The following ZNF536 variants were observed in gnomAD, a reference collection of about 807,000 sequenced individuals.
ZNF536 encodes the protein zinc finger protein 536.
A neutral mutation model predicts 84.5 loss-of-function variants in ZNF536; 13 were observed. The ratio of observed to expected loss-of-function variants is 0.15; its 90% confidence interval spans 0.10 to 0.24. The LOEUF (loss-of-function observed/expected upper bound fraction) is 0.24. ZNF536 is among the 10% of genes least tolerant of loss of function. The probability of loss-of-function intolerance (pLI) is 1.00; values close to 1 mark genes in which losing one functional copy is unlikely to be tolerated. For synonymous variants in ZNF536, 811 were observed against 742.5 expected, an observed-to-expected ratio of 1.09 and a Z score of -1.50; for missense variants, 1,536 against 1,747.5, an observed-to-expected ratio of 0.88 and a Z score of 2.16.
In ZNF536 at chr19:30,488,370, C is replaced by T. The variant is rs538015853; in HGVS notation, c.2170+42638C>T. On this transcript the variant is annotated intron_variant, in intron 2 of 4. Coordinates refer to ENST00000355537, the MANE Select transcript of ZNF536 (RefSeq NM_014717.3). ...TCTAAGCCTGGCTTCGGGAAGTGCCCGTTGCACCCTGCTACTTTGTGAGGA... is the reference window on the plus strand; with the variant it reads ...TCTAAGCCTGGCTTCGGGAAGTGCCTGTTGCACCCTGCTACTTTGTGAGGA... Among the ~76,000 whole-genome samples, 26 of 152,172 alleles carry T rather than the reference C, an allele frequency of 1.7e-4. 1 individual carries two copies. The South Asian group carries it at 2.3e-3, about 13-fold the overall frequency.
At chr19:30,377,212 G>A (rs570737189) in intron 1 of ZNF536, among the ~76,000 whole-genome samples, 9 of 152,326 alleles carry the variant, frequency 5.9e-5, no homozygotes, top group Admixed American at 3.3e-4. Flanking sequence ...TCTCGGGAAA[G>A]CTGGCAGCCC....
downstream of ZNF536, among the ~76,000 whole-genome samples, chr19:30,558,543 A>C (rs1225558855): frequency 1.3e-5 from 2 of 152,202 alleles, no homozygotes; most frequent in African/African-American, 4.8e-5. Context: ...GAAGAGACTC[A>C]GGATTCGCGG....
rs373161157 is a variant in ZNF536, at chr19:30,540,960, C to T, written c.2323+5961C>T. Among the ~76,000 whole-genome samples, 78 of 152,320 alleles carry T rather than the reference C, an allele frequency of 5.1e-4. 1 individual carries two copies. Among genetic ancestry groups the T allele is most frequent in the African/African-American group, 1.8e-3 (74 of 41,570 alleles). On this transcript the variant is annotated intron_variant, in intron 3 of 4. Coordinates refer to ENST00000355537, the MANE Select transcript of ZNF536 (RefSeq NM_014717.3). Reference sequence around the variant, plus strand: ...CCACGTGCTTGGGTTTCCCCACTAGCACAGCGAGGTTAGGGGTGAGGCATG... The same window carrying T: ...CCACGTGCTTGGGTTTCCCCACTAGTACAGCGAGGTTAGGGGTGAGGCATG...
intron 2 of ZNF536, among the ~76,000 whole-genome samples, chr19:30,299,522 G>A (rs902308266): frequency 2.0e-5 from 3 of 152,114 alleles, no homozygotes; most frequent in Non-Finnish European, 4.4e-5. Flanking sequence ...AGCCAGAAGA[G>A]TCCAGCAATT....
At chr19:30,568,882 C>T (rs2146522545) in intron 1 of ZNF536, among the ~76,000 whole-genome samples, 1 of 152,366 alleles carries the variant, frequency 6.6e-6, no homozygotes, top group South Asian at 2.1e-4. Flanking sequence ...CCATGGTCTT[C>T]ACCAGCCCTG....
At chr19:30,367,570 C>T (rs2048477291), upstream of ZNF536, among the ~76,000 whole-genome samples, 1 of 152,158 alleles carries the variant, frequency 6.6e-6, no homozygotes, top group Non-Finnish European at 1.5e-5. Flanking sequence ...GGAGCTGGAG[C>T]GATCCCTTTG....
At chr19:30,286,612 CAG>C (rs886378452) in intron 2 of ZNF536, among the ~76,000 whole-genome samples, 109 of 150,868 alleles carry the variant, frequency 7.2e-4, no homozygotes, top group Non-Finnish European at 7.1e-4. Context: ...AGGAGAGAGA[CAG>C]AGAGAGAGAG....
At chr19:30,364,833 A>C (rs1367426175) in intron 3 of ZNF536, among the ~76,000 whole-genome samples, 2 of 152,172 alleles carry the variant, frequency 1.3e-5, no homozygotes, top group African/African-American at 2.4e-5. Flanking sequence ...ATATGTATAC[A>C]AAAGAGGTAC....
At chr19:30,440,144 A>G (rs1267741551) in intron 1 of ZNF536, among the ~76,000 whole-genome samples, 1 of 151,264 alleles carries the variant, frequency 6.6e-6, no homozygotes, top group Non-Finnish European at 1.5e-5. Flanking sequence ...TATTTTTAGT[A>G]GAGACGAAGT....
chr19:30,534,800 C>T (rs2145929179), intron 2 of ZNF536, 47 bp from the exon 3 acceptor site: 1 of 1,554,430 alleles, frequency 6.4e-7, no homozygotes, highest in Non-Finnish European at 8.7e-7. Context: ...GCGAACAACT[C>T]CTGACATGTG....
intron 2 of ZNF536, among the ~76,000 whole-genome samples, chr19:30,347,456 A>G (rs1237402674): frequency 6.6e-6 from 1 of 152,196 alleles, no homozygotes; most frequent in Non-Finnish European, 1.5e-5. Flanking sequence ...AGAACTGCTC[A>G]TCGTATCCAC....
At chr19:30,332,062 C>T (rs1240066897) in intron 2 of ZNF536, among the ~76,000 whole-genome samples, 8 of 152,188 alleles carry the variant, frequency 5.3e-5, no homozygotes, top group Non-Finnish European at 1.2e-4. Context: ...TGCAGCTGAG[C>T]TGATAGGTGT....
At chr19:30,692,813 C>A (rs527490558) in intron 1 of ZNF536, among the ~76,000 whole-genome samples, 35 of 152,320 alleles carry the variant, frequency 2.3e-4, no homozygotes, top group African/African-American at 8.2e-4. Flanking sequence ...GCCCACAGCG[C>A]TTACTTACCC....
chr19:30,271,879 G>A (rs570323914), intron 1 of ZNF536, among the ~76,000 whole-genome samples: 19 of 152,220 alleles, frequency 1.2e-4, no homozygotes, highest in African/African-American at 4.3e-4. Context: ...AAGTCCGTGC[G>A]TTTTGTGAAT....
At chr19:30,598,937 C>CT (rs2047561388) in intron 1 of ZNF536, among the ~76,000 whole-genome samples, 2 of 50,864 alleles carry the variant, frequency 3.9e-5, no homozygotes, top group Non-Finnish European at 6.6e-5. Context: ...TTCTCCCTCC[C>CT]TCCCTCCCTT....
rs774965623 is a variant in ZNF536, at chr19:30,444,577, G to A, written c.1015G>A (p.Glu339Lys). Reference sequence around the variant, plus strand: ...GGGCCAGGGCCCCAACGGCGGTGGCGAGCAGTCGGCCAACGAGTTCCGCTG... The same window carrying A: ...GGGCCAGGGCCCCAACGGCGGTGGCAAGCAGTCGGCCAACGAGTTCCGCTG... ...AQGQGPNGGG[E>K]QSANEFRCEV... The change falls in exon 2 of 5, where the codon GAG (glutamate) becomes AAG (lysine). Residue 339 changes from glutamate (E) to lysine (K), a missense_variant. Coordinates refer to ENST00000355537, the MANE Select transcript of ZNF536 (RefSeq NM_014717.3). 6 of 1,613,672 alleles carry A rather than the reference G, an allele frequency of 3.7e-6. No homozygotes were observed. Among genetic ancestry groups the A allele is most frequent in the Non-Finnish European group, 5.1e-6 (6 of 1,180,012 alleles).
chr19:30,427,380 C>T (rs542602795), intron 1 of ZNF536, among the ~76,000 whole-genome samples: 76 of 152,300 alleles, frequency 5.0e-4, no homozygotes, highest in African/African-American at 1.8e-3. Flanking sequence ...TTGGTGGAAG[C>T]TTTTGGCATG....
At chr19:30,306,932 A>G (rs898940273) in intron 2 of ZNF536, among the ~76,000 whole-genome samples, 1 of 152,244 alleles carries the variant, frequency 6.6e-6, no homozygotes, top group African/African-American at 2.4e-5. Flanking sequence ...TAGAAAATTC[A>G]GTATGTAAAG....
intron 1 of ZNF536, among the ~76,000 whole-genome samples, chr19:30,273,209 T>TG (rs2025949963): frequency 6.7e-6 from 1 of 150,330 alleles, no homozygotes; most frequent in South Asian, 2.1e-4. Context: ...GCCATGCAGA[T>TG]TGTGTGTGTG....
Sources: allele counts gnomAD v4.1 joint callset (sites outside exome capture counted in the v4.1 genomes callset), GRCh38; gene constraint gnomAD v4.1.1; transcripts MANE v1.5; gene names NCBI Gene and HGNC (gene_info 2026-07-23, HGNC 2026-07-21).